GRM7: variants seen among roughly 807,000 people sequenced by gnomAD.
GRM7 encodes the protein glutamate metabotropic receptor 7.
GRM7 carries 35 observed loss-of-function variants against 84.5 expected under a neutral mutation model. The observed-to-expected ratio is 0.41, with a 90% CI of 0.32 to 0.55. The LOEUF (loss-of-function observed/expected upper bound fraction) is 0.55, where lower values mean the gene tolerates loss of function less well. Among genes scored for constraint, GRM7 ranks in the 20% least tolerant of loss-of-function variants. GRM7 has a pLI of 0.19. For missense variants in GRM7, 1,003 were observed against 1,194.6 expected, an observed-to-expected ratio of 0.84 and a Z score of 2.36; for synonymous variants, 487 against 455.1, an observed-to-expected ratio of 1.07 and a Z score of -0.89.
intron 8 of GRM7, among the ~76,000 whole-genome samples, chr3:7,654,753 G>A (rs1477216117): frequency 2.0e-5 from 3 of 152,204 alleles, no homozygotes; most frequent in Non-Finnish European, 1.5e-5. Context: ...ACAAAGCACA[G>A]TGTCTTATAC....
chr3:7,212,631 C>A (rs1005707773), intron 2 of GRM7, among the ~76,000 whole-genome samples: 1 of 152,062 alleles, frequency 6.6e-6, no homozygotes, highest in Non-Finnish European at 1.5e-5. Context: ...AATGTAGCTT[C>A]CAGCTGAAAG....
intron 4 of GRM7, among the ~76,000 whole-genome samples, chr3:7,410,842 T>C (rs1338244200): frequency 6.6e-6 from 1 of 152,166 alleles, no homozygotes; most frequent in African/African-American, 2.4e-5. Flanking sequence ...TAAGGTGTAT[T>C]CCTTTCCTAA....
chr3:6,906,685 T>A (rs1326113788), intron 1 of GRM7, among the ~76,000 whole-genome samples: 1 of 152,160 alleles, frequency 6.6e-6, no homozygotes, highest in African/African-American at 2.4e-5. Context: ...AACCCATATA[T>A]GCATGAAGCA....
At chr3:7,207,764 A>G (rs751289845) in intron 2 of GRM7, among the ~76,000 whole-genome samples, 2 of 152,228 alleles carry the variant, frequency 1.3e-5, no homozygotes, top group Non-Finnish European at 2.9e-5. Context: ...GATATATCAG[A>G]TTTTTAAAAC....
intron 4 of GRM7, among the ~76,000 whole-genome samples, chr3:7,314,769 G>C (rs1559228891): frequency 6.6e-6 from 1 of 151,848 alleles, no homozygotes; most frequent in Non-Finnish European, 1.5e-5. Context: ...GCTTCTTAAT[G>C]GACAGTTTCT....
intron 2 of GRM7, among the ~76,000 whole-genome samples, chr3:7,175,076 T>A (rs986602352): frequency 6.6e-6 from 1 of 152,084 alleles, no homozygotes; most frequent in African/African-American, 2.4e-5. Flanking sequence ...GAAAAGGAGA[T>A]GAATGGAGAA....
At chr3:7,527,251 A>G (rs764748685) in intron 7 of GRM7, among the ~76,000 whole-genome samples, 6 of 151,944 alleles carry the variant, frequency 3.9e-5, no homozygotes, top group Non-Finnish European at 7.4e-5. Flanking sequence ...CCCCTTGGTT[A>G]TAAGTATTTG....
chr3:7,194,678 T>G, intron 2 of GRM7, among the ~76,000 whole-genome samples: 1 of 152,298 alleles, frequency 6.6e-6, no homozygotes, highest in East Asian at 1.9e-4. Flanking sequence ...TGGCTCTACC[T>G]GCTTTCAGCC....
At chr3:7,087,662 G>C (rs1224632563) in intron 1 of GRM7, among the ~76,000 whole-genome samples, 1 of 152,126 alleles carries the variant, frequency 6.6e-6, no homozygotes, top group Non-Finnish European at 1.5e-5. Flanking sequence ...AGATGAAAGA[G>C]AGGAAGTAAA....
chr3:7,224,761 C>A (rs1696927925), intron 2 of GRM7, among the ~76,000 whole-genome samples: 1 of 152,082 alleles, frequency 6.6e-6, no homozygotes, highest in Non-Finnish European at 1.5e-5. Flanking sequence ...GTCTTTTGAT[C>A]ATGTTGGTAA....
rs3804836 is a variant in GRM7, at chr3:7,685,174, C to G, written c.2698+4879C>G. Among the ~76,000 whole-genome samples the G allele has an allele frequency of 4.6e-3, 704 of 152,264 alleles. 17 individuals carry two copies. In the East Asian group the frequency reaches 0.091, roughly 20 times the overall value. On this transcript the variant is annotated intron_variant, in intron 9 of 9. Coordinates refer to ENST00000357716, the MANE Select transcript of GRM7 (RefSeq NM_000844.4). Reference sequence around the variant, plus strand: ...TTTCAAGTTGGATGGATAATATTAACTAAGAGGCAGCATGGCTTTATTGGG... The same window carrying G: ...TTTCAAGTTGGATGGATAATATTAAGTAAGAGGCAGCATGGCTTTATTGGG...
At chr3:7,071,280 T>G (rs1177497393) in intron 1 of GRM7, among the ~76,000 whole-genome samples, 1 of 152,118 alleles carries the variant, frequency 6.6e-6, no homozygotes, top group African/African-American at 2.4e-5. Flanking sequence ...GGGAATGAAA[T>G]AGGCAGCATT....
intron 1 of GRM7, among the ~76,000 whole-genome samples, chr3:7,119,437 C>G (rs139656867): frequency 6.6e-6 from 1 of 152,094 alleles, no homozygotes; most frequent in Non-Finnish European, 1.5e-5. Context: ...ATTTCACACA[C>G]ATGACTAGAT....
At chr3:7,418,036 T>A (rs1696244933) in intron 5 of GRM7, among the ~76,000 whole-genome samples, 1 of 152,156 alleles carries the variant, frequency 6.6e-6, no homozygotes, top group Non-Finnish European at 1.5e-5. Flanking sequence ...CTGTTCATAC[T>A]TCATAATTTT....
intron 9 of GRM7, among the ~76,000 whole-genome samples, chr3:7,725,599 C>T (rs190807272): frequency 2.3e-4 from 35 of 152,264 alleles, no homozygotes; most frequent in Non-Finnish European, 4.4e-4. Flanking sequence ...TTTACATTTT[C>T]GCTTCTACTT....
At chr3:7,184,016 A>T (rs1695431726) in intron 2 of GRM7, among the ~76,000 whole-genome samples, 1 of 152,164 alleles carries the variant, frequency 6.6e-6, no homozygotes, top group Non-Finnish European at 1.5e-5. Flanking sequence ...CTGATGGAAG[A>T]TGCCACTTAA....
intron 4 of GRM7, among the ~76,000 whole-genome samples, chr3:7,366,166 T>A (rs926024939): frequency 1.3e-5 from 2 of 151,726 alleles, no homozygotes; most frequent in Non-Finnish European, 3.0e-5. Flanking sequence ...ATACCTTCCA[T>A]CCCCAAAAGG....
intron 2 of GRM7, among the ~76,000 whole-genome samples, chr3:7,190,735 T>C (rs1695683454): frequency 6.6e-6 from 1 of 152,076 alleles, no homozygotes; most frequent in South Asian, 2.1e-4. Context: ...ATGGTGTCCT[T>C]AAGCAGAGAG....
At chr3:7,290,460 T>G (rs1699582522) in intron 2 of GRM7, among the ~76,000 whole-genome samples, 1 of 152,200 alleles carries the variant, frequency 6.6e-6, no homozygotes, top group African/African-American at 2.4e-5. Flanking sequence ...TGAGATAAAA[T>G]GATAAAATTC....
Sources: allele counts gnomAD v4.1 joint callset (sites outside exome capture counted in the v4.1 genomes callset), GRCh38; gene constraint gnomAD v4.1.1; transcripts MANE v1.5; gene names NCBI Gene and HGNC (gene_info 2026-07-23, HGNC 2026-07-21).